SERPINF2: variants seen among roughly 807,000 people sequenced by gnomAD.
SERPINF2 encodes the protein alpha-2-antiplasmin.
A neutral mutation model predicts 45.0 loss-of-function variants in SERPINF2; 15 were observed. The ratio of observed to expected loss-of-function variants is 0.33; its 90% CI spans 0.22 to 0.51. SERPINF2 has a LOEUF of 0.51. Ranked by LOEUF, SERPINF2 falls within the 20% of genes least tolerant of loss-of-function variation. The pLI is 0.97. For synonymous variants in SERPINF2, 283 were observed against 277.9 expected (o/e 1.02, Z -0.18); for missense variants, 518 against 637.4 (o/e 0.81, Z 2.02).
chr17:1,745,426 G>C lies in SERPINF2; in HGVS notation c.165+31G>C. 6.2e-6 allele frequency: 10 copies of C among 1,610,024 alleles called. No individual in the cohort carries two copies. Among genetic ancestry groups the C allele is most frequent in the Non-Finnish European group, 8.5e-6 (10 of 1,178,776 alleles). On this transcript the variant is annotated intron_variant, in intron 4 of 9. Coordinates refer to ENST00000453066, the MANE Select transcript of SERPINF2 (RefSeq NM_000934.4). The surrounding 1 kb of genome is among the most constrained non-coding windows in gnomAD (Gnocchi z 6.2). ...ACCAGGTGGGGCTGGGGAAGAGTGG[G>C]CGGGGCTAGAGGGAGGAGGGCCCAT...
Position 1,747,027 on chromosome 17 carries a change from A to G in SERPINF2, c.376A>G (p.Asn126Asp). Residue 126 changes from asparagine to aspartate, a missense_variant, in exon 6 of 10, where the codon AAC becomes GAC. Around this residue, in one of 2 missense-constraint regions of SERPINF2, gnomAD observed 435 missense variants for 577.3 expected, o/e 0.75. Coordinates refer to ENST00000453066, the MANE Select transcript of SERPINF2 (RefSeq NM_000934.4). Reference protein sequence around the residue: ...ALSHLALGAQNHTLQRLQQVL... With the variant: ...ALSHLALGAQDHTLQRLQQVL... ...TGTGCGGTGCCCTCCAGGTGCTCAG[A>G]ACCACACGTTGCAGAGGCTGCAACA... is the stretch of plus-strand genomic sequence containing the variant. The G allele has an allele frequency of 1.9e-6, 3 of 1,606,214 alleles. No homozygotes were observed. The highest frequency in any genetic ancestry group is 2.2e-5 in the South Asian group (2 of 90,928).
At chr17:1,746,759 G>A (rs1905864053) in intron 5 of SERPINF2, among the ~76,000 whole-genome samples, 1 of 152,010 alleles carries the variant, frequency 6.6e-6, no homozygotes, top group Non-Finnish European at 1.5e-5. Flanking sequence ...GAGTTTGCTA[G>A]CTACACTCTT....
chr17:1,754,324 C>T lies in SERPINF2; in HGVS notation c.1266C>T (p.Asp422=), dbSNP rs140093022. Residue 422 remains aspartate (D), a synonymous_variant, in exon 10 of 10, where the codon GAC becomes GAT. Transcript: ENST00000453066. The part of the protein sequence containing the change: ...NRPFLFFIFE[D]TTGLPLFVGS... ...CCTTCCTCTTCTTCATCTTCGAGGACACCACAGGCCTTCCCCTCTTCGTGG... is the reference window on the plus strand; with the variant it reads ...CCTTCCTCTTCTTCATCTTCGAGGATACCACAGGCCTTCCCCTCTTCGTGG... The T allele has an allele frequency of 6.2e-7, 1 of 1,614,072 alleles. No homozygotes were observed. The highest frequency in any genetic ancestry group is 1.3e-5 in the African/African-American group (1 of 74,948).
intron 5 of SERPINF2, 149 bp from the exon 6 acceptor site, chr17:1,746,868 TGA>T: frequency 9.3e-7 from 1 of 1,073,132 alleles, no homozygotes; most frequent in South Asian, 1.6e-5. Context: ...GCCACAGGGG[TGA>T]GAGCCACGCA....
At position 1,747,119 on chromosome 17, in the gene SERPINF2, C is replaced by T; in HGVS notation, c.468C>T (p.Gly156=). The T allele has an allele frequency of 6.2e-7, 1 of 1,611,612 alleles. No individual in the cohort carries two copies. The highest frequency in any genetic ancestry group is 8.5e-7 in the Non-Finnish European group (1 of 1,179,978). Residue 156 remains glycine (G), a synonymous_variant, in exon 6 of 10, where the codon GGC becomes GGT. Coordinates refer to ENST00000453066, the MANE Select transcript of SERPINF2 (RefSeq NM_000934.4). ...HLLSRLCQDL[G]PGAFRLAARM... ...TGAGCCGCCTCTGCCAGGACCTGGG[C>T]CCCGGCGCGTTCCGACTGGCTGCCA...
At position 1,744,616 on chromosome 17, in the gene SERPINF2, G is replaced by A. The variant is rs116477679; in HGVS notation, c.-4-376G>A. ...GTAAGGCCAAGCCTGGTGGAGTTAC[G>A]GGAAATGCCGAGGTCCTTTGGCAAG... On this transcript the variant is annotated intron_variant, in intron 1 of 9. Transcript: ENST00000453066. The A allele has an allele frequency of 7.3e-4, 718 of 985,396 alleles. 6 individuals carry two copies. The African/African-American group carries it at 0.012, about 16-fold the overall frequency. 61.0% of individuals were successfully genotyped at this position (985,396 alleles called of 1,614,324 possible).
Position 1,754,675 on chromosome 17 carries a change from G to T in SERPINF2, c.*141G>T. The stretch of plus-strand genomic sequence containing the variant: ...CCATTCTTTCCCAACACCTCTTGGG[G>T]AGTTTAGGGTGGGGGGGGGGCGCGG... On this transcript the variant is annotated 3_prime_UTR_variant, in exon 10 of 10. Coordinates refer to ENST00000453066, the MANE Select transcript of SERPINF2 (RefSeq NM_000934.4). 5.6e-5 allele frequency: 24 copies of T among 427,120 alleles called. No individual in the cohort carries two copies. The highest frequency in any genetic ancestry group is 9.3e-5 in the Admixed American group (2 of 21,412). 26.5% of individuals were successfully genotyped at this position (427,120 alleles called of 1,614,324 possible).
intron 1 of SERPINF2, among the ~76,000 whole-genome samples, chr17:1,743,548 T>C (rs1045084074): frequency 6.6e-6 from 1 of 151,160 alleles, no homozygotes; most frequent in African/African-American, 2.4e-5. Flanking sequence ...AAACCCTGTC[T>C]CTACTAAAAA....
rs78276348 is a variant in SERPINF2, at chr17:1,747,997, G to C, written c.715+485G>C. On this transcript the variant is annotated intron_variant, in intron 7 of 9. Transcript: ENST00000453066. ...TAGAGTGAATACCCTGGGAACAAAT[G>C]GTCTGAAAAGATCCAGGAGGGGCTG... Among the ~76,000 whole-genome samples the C allele has an allele frequency of 4.1e-3, 628 of 151,808 alleles. 17 individuals carry two copies. The East Asian group carries it at 0.079, about 19-fold the overall frequency.
At chr17:1,743,220 C>T in intron 1 of SERPINF2, 4 of 526,174 alleles carry the variant, frequency 7.6e-6, no homozygotes, top group Non-Finnish European at 9.7e-6. Context: ...CCTCCTGAGA[C>T]CAACACCTGC....
intron 1 of SERPINF2, among the ~76,000 whole-genome samples, chr17:1,743,345 G>C (rs1168222987): frequency 6.6e-6 from 1 of 152,214 alleles, no homozygotes; most frequent in Non-Finnish European, 1.5e-5. Flanking sequence ...CTCTCTGGCT[G>C]CCTTGCCACC....
At chr17:1,744,201 G>C (rs1185792632) in intron 1 of SERPINF2, among the ~76,000 whole-genome samples, 1 of 150,240 alleles carries the variant, frequency 6.7e-6, no homozygotes, top group Non-Finnish European at 1.5e-5. Context: ...TGGCCACAAA[G>C]ATGGTCTTTT....
chr17:1,750,185 A>G (rs959026716), intron 8 of SERPINF2, among the ~76,000 whole-genome samples: 2 of 151,032 alleles, frequency 1.3e-5, no homozygotes, highest in African/African-American at 4.9e-5. Context: ...GTTTCTCTCT[A>G]TCGCCCAGAC....
chr17:1,749,286 G>C (rs749734722), intron 8 of SERPINF2, among the ~76,000 whole-genome samples: 2 of 152,112 alleles, frequency 1.3e-5, no homozygotes, highest in African/African-American at 4.8e-5. Flanking sequence ...TTAGCCAGGC[G>C]TGGTGGCAGG....
Position 1,745,564 on chromosome 17 carries a change from C to T in SERPINF2, c.166-144C>T, listed in dbSNP as rs1905740202. The T allele has an allele frequency of 8.6e-7, 1 of 1,160,816 alleles. No homozygotes were observed. The highest frequency in any genetic ancestry group is 1.2e-6 in the Non-Finnish European group (1 of 803,414). The allele number at this position is 1,160,816 out of a possible 1,614,324, so 71.9% of individuals were successfully genotyped here. A position where few individuals can be genotyped will look rare whatever the true frequency, so the allele number is the denominator to read the frequency against. On this transcript the variant is annotated intron_variant, in intron 4 of 9. Coordinates refer to ENST00000453066, the MANE Select transcript of SERPINF2 (RefSeq NM_000934.4). The surrounding 1 kb of genome is among the most constrained non-coding windows in gnomAD (Gnocchi z 6.2). ...AGGTGGGCGCCAGGCCCCAGAATGC[C>T]AGTGCCCTCCGTCTGACGCTCCCTC...
chr17:1,748,304 A>T (rs1481798267), intron 7 of SERPINF2, among the ~76,000 whole-genome samples: 1 of 43,852 alleles, frequency 2.3e-5, no homozygotes, highest in Admixed American at 2.4e-4. Flanking sequence ...ACTCCGTCTA[A>T]AAAAAAAAAA....
intron 8 of SERPINF2, among the ~76,000 whole-genome samples, 199 bp from the exon 9 acceptor site, chr17:1,752,387 C>G (rs1243016213): frequency 1.3e-5 from 2 of 152,238 alleles, no homozygotes; most frequent in Non-Finnish European, 2.9e-5. Context: ...GCATCTCATT[C>G]GGTTACGTGT....
intron 8 of SERPINF2, among the ~76,000 whole-genome samples, chr17:1,750,188 G>T (rs759505419): frequency 6.6e-6 from 1 of 151,536 alleles, no homozygotes; most frequent in Non-Finnish European, 1.5e-5. Flanking sequence ...TCTCTCTATC[G>T]CCCAGACTGG....
Position 1,745,962 on chromosome 17 carries a change from TC to T in SERPINF2, c.367+54del. ...AGAGAGCTGGGAGGCCAGTAGGAAC[TC>T]AGTACTCCAATGGTTCTCCGCGGGC... is the stretch of plus-strand genomic sequence containing the variant. On this transcript the variant is annotated intron_variant, in intron 5 of 9. Transcript: ENST00000453066. This position sits in a 1 kb window ranked among gnomAD's most constrained non-coding sequence, Gnocchi z 6.2. 1 of 1,585,166 alleles carries T rather than the reference TC, an allele frequency of 6.3e-7. No homozygotes were observed. Among genetic ancestry groups the T allele is most frequent in the Non-Finnish European group, 8.7e-7 (1 of 1,153,932 alleles).
Sources: gnomAD v4.1 joint callset for allele counts (sites outside exome capture counted in the v4.1 genomes callset) on GRCh38, gnomAD v4.1.1 for gene constraint, gnomAD v4.1.1 regional missense constraint, Gnocchi (gnomAD v3.1) non-coding constraint, MANE v1.5 for transcripts, NCBI Gene and HGNC (gene_info 2026-07-23, HGNC 2026-07-21) for gene names.